GABRB1: variants seen among roughly 807,000 people sequenced by gnomAD.
GABRB1 encodes gamma-aminobutyric acid receptor subunit beta-1.
Under a neutral mutation model 51.6 loss-of-function variants are expected in GABRB1, and 17 were observed. That is an observed-to-expected ratio of 0.33 (90% CI 0.23 to 0.49). The LOEUF is 0.49. Among genes scored for constraint, GABRB1 ranks in the 20% least tolerant of loss-of-function variants. The probability of loss-of-function intolerance (pLI) is 0.99; values close to 1 mark genes in which losing one functional copy is unlikely to be tolerated. For missense variants in GABRB1, 410 were observed against 600.6 expected (o/e 0.68, Z 3.32); for synonymous variants, 247 against 218.9 (o/e 1.13, Z -1.14).
intron 4 of GABRB1, among the ~76,000 whole-genome samples, chr4:47,256,877 C>T (rs1722224368): frequency 6.6e-6 from 1 of 152,144 alleles, no homozygotes; most frequent in African/African-American, 2.4e-5. Flanking sequence ...CAAACCATAT[C>T]AGGTATTTTA....
intron 5 of GABRB1, among the ~76,000 whole-genome samples, chr4:47,378,319 G>A (rs1038888544): frequency 5.3e-5 from 8 of 152,312 alleles, no homozygotes; most frequent in African/African-American, 1.9e-4. Context: ...ATTGCCTGGC[G>A]CGCCGGCAGG....
chr4:47,237,851 TGAA>T (rs1253034430), intron 4 of GABRB1, among the ~76,000 whole-genome samples: 1 of 152,036 alleles, frequency 6.6e-6, no homozygotes, highest in Non-Finnish European at 1.5e-5. Context: ...AGAAGATTAA[TGAA>T]GTAATAATTG....
At chr4:47,023,310 A>G (rs1239808978) in intron 1 of GABRB1, among the ~76,000 whole-genome samples, 2 of 152,074 alleles carry the variant, frequency 1.3e-5, no homozygotes, top group Non-Finnish European at 2.9e-5. Context: ...TACATTTTAA[A>G]ATAACTTAAA....
intron 4 of GABRB1, among the ~76,000 whole-genome samples, chr4:47,183,134 C>G (rs1463929901): frequency 6.6e-6 from 1 of 151,382 alleles, no homozygotes; most frequent in East Asian, 1.9e-4. Flanking sequence ...AGGAGAAAAA[C>G]ACATGATGAG....
chr4:47,261,291 G>C (rs1459740097), intron 4 of GABRB1, among the ~76,000 whole-genome samples: 2 of 152,170 alleles, frequency 1.3e-5, no homozygotes, highest in African/African-American at 2.4e-5. Context: ...TGTATATCTA[G>C]AAAACCCCAC....
chr4:47,094,470 G>A (rs547515022), intron 3 of GABRB1, among the ~76,000 whole-genome samples: 6 of 151,826 alleles, frequency 4.0e-5, no homozygotes, highest in East Asian at 3.9e-4. Context: ...TGATCCACCC[G>A]CCTCGGCCTC....
chr4:47,150,979 T>C (rs10001018), intron 3 of GABRB1, among the ~76,000 whole-genome samples: 130,648 of 151,894 alleles, frequency 0.86, 56,209 homozygotes, highest in African/African-American at 0.9. Context: ...AGAGAGATAA[T>C]GTGGTAAAGT....
chr4:47,366,058 C>A (rs779581132), intron 5 of GABRB1, among the ~76,000 whole-genome samples: 10 of 152,184 alleles, frequency 6.6e-5, no homozygotes, highest in African/African-American at 9.7e-5. Flanking sequence ...ATGTCATAGG[C>A]AAATTTAATT....
intron 4 of GABRB1, among the ~76,000 whole-genome samples, chr4:47,299,070 C>T (rs1276162235): frequency 1.3e-5 from 2 of 151,068 alleles, no homozygotes; most frequent in African/African-American, 2.4e-5. Context: ...CTTCCTTACA[C>T]CTTATACAAA....
intron 4 of GABRB1, among the ~76,000 whole-genome samples, chr4:47,211,186 T>C (rs4695201): frequency 0.37 from 55,967 of 151,990 alleles, 10,790 homozygotes; most frequent in African/African-American, 0.44. Flanking sequence ...GTGACATGAA[T>C]CTGAGCCTAA....
chr4:47,218,681 C>T (rs915293896), intron 4 of GABRB1, among the ~76,000 whole-genome samples: 1 of 151,680 alleles, frequency 6.6e-6, no homozygotes, highest in African/African-American at 2.4e-5. Flanking sequence ...ATGTCTGCTT[C>T]CAGTGCTTTG....
intron 4 of GABRB1, among the ~76,000 whole-genome samples, chr4:47,199,540 G>C (rs919044436): frequency 1.3e-5 from 2 of 152,036 alleles, no homozygotes; most frequent in African/African-American, 4.8e-5. Context: ...TATACCAGCA[G>C]CAACGTTGTT....
intron 3 of GABRB1, chr4:47,033,037 T>C (rs1168548751): frequency 1.1e-5 from 3 of 278,714 alleles, no homozygotes; most frequent in Non-Finnish European, 2.2e-5. Flanking sequence ...CAGTCCATGT[T>C]TGCTAGTAGG....
At chr4:47,403,211 A>G (rs1412524560) in intron 5 of GABRB1, 107 bp from the exon 6 acceptor site, 3 of 1,248,422 alleles carry the variant, frequency 2.4e-6, no homozygotes, top group Non-Finnish European at 3.4e-6. Context: ...GTTTAAAGCA[A>G]TGCCACCTTA....
intron 4 of GABRB1, among the ~76,000 whole-genome samples, chr4:47,289,225 C>A (rs970253240): frequency 6.6e-6 from 1 of 152,038 alleles, no homozygotes; most frequent in African/African-American, 2.4e-5. Context: ...TAAAGGAATG[C>A]CACATTTTCA....
intron 4 of GABRB1, among the ~76,000 whole-genome samples, chr4:47,170,347 AT>A (rs1718383920): frequency 6.6e-6 from 1 of 151,910 alleles, no homozygotes; most frequent in Non-Finnish European, 1.5e-5. Flanking sequence ...AAAGTAAAAA[AT>A]ATGGGCAATT....
At chr4:47,186,915 T>A (rs978689669) in intron 4 of GABRB1, among the ~76,000 whole-genome samples, 3 of 151,874 alleles carry the variant, frequency 2.0e-5, no homozygotes, top group Non-Finnish European at 4.4e-5. Flanking sequence ...TGAAAAACAG[T>A]TTGCATTAAT....
Position 47,080,754 on chromosome 4 carries a change from T to C in GABRB1, c.240+48270T>C, listed in dbSNP as rs554672346. Among the ~76,000 whole-genome samples the C allele has an allele frequency of 4.3e-4, 65 of 152,240 alleles. 2 individuals carry two copies. In the South Asian group the frequency reaches 8.5e-3, roughly 20 times the overall value. ...TTTAATAAGGTCGTCAATAGACAAA[T>C]TGATTAATCAAAAACAATGATCCTT... On this transcript the variant is annotated intron_variant, in intron 3 of 8. Coordinates refer to ENST00000295454, the MANE Select transcript of GABRB1 (RefSeq NM_000812.4).
chr4:47,321,194 G>A (rs962096857), intron 5 of GABRB1, among the ~76,000 whole-genome samples: 4 of 152,152 alleles, frequency 2.6e-5, no homozygotes, highest in Admixed American at 2.6e-4. Context: ...TGTAATGTTA[G>A]AAATTGACAG....
Sources: gnomAD v4.1 joint callset for allele counts (sites outside exome capture counted in the v4.1 genomes callset) on GRCh38, gnomAD v4.1.1 for gene constraint, MANE v1.5 for transcripts, NCBI Gene and HGNC (gene_info 2026-07-23, HGNC 2026-07-21) for gene names.